The following MFAP3L variants were observed in gnomAD, a reference collection of about 807,000 sequenced individuals.
MFAP3L encodes microfibril associated protein 3 like.
Under a neutral mutation model 20.0 loss-of-function variants are expected in MFAP3L, and 5 were observed. The ratio of observed to expected loss-of-function variants is 0.25; its 90% CI spans 0.13 to 0.53. The LOEUF (loss-of-function observed/expected upper bound fraction) is 0.53, where lower values mean the gene tolerates loss of function less well. MFAP3L is among the 20% of genes least tolerant of loss of function. MFAP3L has a pLI of 0.96. For missense variants in MFAP3L, 409 were observed against 527.5 expected (o/e 0.78, Z 2.20); for synonymous variants, 219 against 213.0 (o/e 1.03, Z -0.25).
chr4:169,988,406 A>G lies in MFAP3L; in HGVS notation c.*2972T>C, dbSNP rs1468139938. 6.6e-6 allele frequency: 1 copy of G among 152,218 alleles called. No individual in the cohort carries two copies. The allele number at this position is 152,218 out of a possible 1,614,324, so 9.4% of individuals were successfully genotyped here. On this transcript the variant is annotated 3_prime_UTR_variant, in exon 3 of 3. Transcript: ENST00000361618. ...TCAGAATTTCAAGAAAAACATTGCT[A>G]GAGATATGACCAGGATGACTCAGAA...
chr4:170,005,641 C>T lies in MFAP3L; in HGVS notation c.237G>A (p.Lys79=). The part of the protein sequence containing the change: ...SVYGIPDPQF[K]WYNSIGKLLK... ...GCAGCTTGCCAATGGAATTATACCA[C>T]TTGAACTGTGGGTCAGGGATGCCAT... Residue 79 remains lysine, a synonymous_variant, in exon 2 of 3, where the codon AAG becomes AAA. Transcript: ENST00000361618. The T allele has an allele frequency of 1.2e-6, 2 of 1,614,262 alleles. No individual in the cohort carries two copies.
Position 170,005,840 on chromosome 4 carries a change from A to G in MFAP3L, c.38T>C (p.Leu13Pro), listed in dbSNP as rs537747814. ...RLKSHLTVCF[L>P]PSVPFLILVS... The stretch of plus-strand genomic sequence containing the variant: ...TAGGATTAAAAAGGGCACAGAAGGT[A>G]GAAAGCACACAGTCAGATGGCTCTT... Residue 13 changes from leucine (L) to proline (P), a missense_variant, in exon 2 of 3, where the codon CTA becomes CCA. By Grantham distance (98) the Leu-to-Pro change is moderately conservative. This residue lies in a region of MFAP3L where 113 missense variants were observed against 131.1 expected (regional missense o/e 0.86). Coordinates refer to ENST00000361618, the MANE Select transcript of MFAP3L (RefSeq NM_021647.8). The G allele has an allele frequency of 1.9e-6, 3 of 1,614,192 alleles. No homozygotes were observed. Among genetic ancestry groups the G allele is most frequent in the South Asian group, 2.2e-5 (2 of 91,088 alleles).
chr4:170,009,394 A>C (rs1739239852), intron 1 of MFAP3L, among the ~76,000 whole-genome samples: 1 of 151,982 alleles, frequency 6.6e-6, no homozygotes, highest in Non-Finnish European at 1.5e-5. Flanking sequence ...AAAAAAAAAA[A>C]AAAAAAAAGT....
intron 1 of MFAP3L, among the ~76,000 whole-genome samples, chr4:170,020,473 A>G (rs895231424): frequency 1.6e-4 from 25 of 152,110 alleles, no homozygotes; most frequent in Non-Finnish European, 1.0e-4. Flanking sequence ...TCATTACTAG[A>G]GTCAGCTGAC....
At chr4:169,995,837 C>T (rs1302511903) in intron 2 of MFAP3L, among the ~76,000 whole-genome samples, 1 of 152,116 alleles carries the variant, frequency 6.6e-6, no homozygotes, top group Admixed American at 6.6e-5. Context: ...CAAATAAAAC[C>T]CAAAATGTCA....
chr4:170,004,390 C>T (rs572815631), intron 2 of MFAP3L, among the ~76,000 whole-genome samples: 7 of 152,282 alleles, frequency 4.6e-5, no homozygotes, highest in Admixed American at 1.3e-4. Context: ...CTAGGTTAAA[C>T]GCGATTCATA....
intron 1 of MFAP3L, among the ~76,000 whole-genome samples, chr4:170,020,656 T>C (rs1056539172): frequency 2.8e-5 from 3 of 107,358 alleles, no homozygotes; most frequent in African/African-American, 3.6e-5. Context: ...CCTGACTGCA[T>C]CTCTGGAGCC....
intron 1 of MFAP3L, among the ~76,000 whole-genome samples, chr4:170,016,747 G>A (rs1014225238): frequency 6.6e-6 from 1 of 152,118 alleles, no homozygotes; most frequent in Non-Finnish European, 1.5e-5. Flanking sequence ...CTTACTGCTC[G>A]CCTTTGGTAC....
At chr4:169,999,774 T>C (rs1195034214) in intron 2 of MFAP3L, among the ~76,000 whole-genome samples, 1 of 152,216 alleles carries the variant, frequency 6.6e-6, no homozygotes, top group Non-Finnish European at 1.5e-5. Flanking sequence ...AAATTAACCT[T>C]AGTAAATTAA....
chr4:169,996,740 G>A (rs749257968), intron 2 of MFAP3L, among the ~76,000 whole-genome samples: 16 of 152,246 alleles, frequency 1.1e-4, no homozygotes, highest in Non-Finnish European at 2.2e-4. Flanking sequence ...CCCCAAATAT[G>A]CAAGAGCTTT....
chr4:169,991,143 T>G lies in MFAP3L; in HGVS notation c.*235A>C. The stretch of plus-strand genomic sequence containing the variant: ...TCAGCCTCTGAAACTCATTATCACA[T>G]AGACACCTTCTGTCTGGTATCAATT... On this transcript the variant is annotated 3_prime_UTR_variant, in exon 3 of 3. Coordinates refer to ENST00000361618, the MANE Select transcript of MFAP3L (RefSeq NM_021647.8). The surrounding 1 kb of genome is among the most constrained non-coding windows in gnomAD (Gnocchi z 4.9). 1.8e-6 allele frequency: 1 copy of G among 559,576 alleles called. No homozygotes were observed. Among genetic ancestry groups the G allele is most frequent in the Non-Finnish European group, 3.1e-6 (1 of 317,480 alleles). The allele number at this position is 559,576 out of a possible 1,614,324, so 34.7% of individuals were successfully genotyped here.
intron 1 of MFAP3L, among the ~76,000 whole-genome samples, chr4:170,017,665 A>G (rs1373701339): frequency 2.0e-5 from 3 of 152,222 alleles, no homozygotes; most frequent in African/African-American, 7.2e-5. Context: ...CATAAAAGCA[A>G]TATTTTTCAG....
chr4:170,008,026 C>T (rs796437379), intron 1 of MFAP3L, among the ~76,000 whole-genome samples: 1 of 152,174 alleles, frequency 6.6e-6, no homozygotes, highest in East Asian at 1.9e-4. Flanking sequence ...TTTCTACGTT[C>T]AAACACATTG....
At chr4:170,021,394 G>A (rs551412878) in intron 1 of MFAP3L, among the ~76,000 whole-genome samples, 46 of 152,296 alleles carry the variant, frequency 3.0e-4, no homozygotes, top group African/African-American at 1.0e-3. Context: ...CACTGACCTA[G>A]TACTTTACAA....
intron 1 of MFAP3L, among the ~76,000 whole-genome samples, chr4:170,020,860 C>T (rs992321399): frequency 1.3e-5 from 2 of 152,066 alleles, no homozygotes; most frequent in African/African-American, 4.8e-5. Flanking sequence ...CCACCCTTTA[C>T]TCATAACTTC....
At chr4:169,995,501 C>A (rs754347080) in intron 2 of MFAP3L, among the ~76,000 whole-genome samples, 1 of 152,198 alleles carries the variant, frequency 6.6e-6, no homozygotes, top group African/African-American at 2.4e-5. Flanking sequence ...GGAGGCTCCT[C>A]CCGCATCAGC....
chr4:170,017,856 G>A (rs1284836490), intron 1 of MFAP3L, among the ~76,000 whole-genome samples: 1 of 152,046 alleles, frequency 6.6e-6, no homozygotes, highest in Admixed American at 6.6e-5. Context: ...GATGGAAAGG[G>A]GCCCTGTTAG....
chr4:170,023,782 T>C (rs572197939), intron 1 of MFAP3L, among the ~76,000 whole-genome samples: 2 of 152,342 alleles, frequency 1.3e-5, no homozygotes, highest in African/African-American at 2.4e-5. Flanking sequence ...GGCTACAATA[T>C]TTATTTGTAT....
chr4:170,015,098 GCT>G (rs1560987875), intron 1 of MFAP3L, among the ~76,000 whole-genome samples: 1 of 152,158 alleles, frequency 6.6e-6, no homozygotes, highest in Non-Finnish European at 1.5e-5. Flanking sequence ...GATGGGTTGG[GCT>G]CTGAGGTTAA....
Sources: gnomAD v4.1 joint callset for allele counts (sites outside exome capture counted in the v4.1 genomes callset) on GRCh38, gnomAD v4.1.1 for gene constraint, gnomAD v4.1.1 regional missense constraint, Gnocchi (gnomAD v3.1) non-coding constraint, MANE v1.5 for transcripts, NCBI Gene and HGNC (gene_info 2026-07-23, HGNC 2026-07-21) for gene names.